Variants in MMP20 observed in about 807,000 individuals in gnomAD.
The protein encoded by MMP20 is matrix metallopeptidase 20.
Under a neutral mutation model 51.8 loss-of-function variants are expected in MMP20, and 50 were observed. The observed-to-expected ratio is 0.97, with a 90% CI of 0.77 to 1.22. The LOEUF (loss-of-function observed/expected upper bound fraction) is 1.22, where lower values mean the gene tolerates loss of function less well. Ranked by LOEUF, MMP20 falls within the 50% of genes most tolerant of loss-of-function variation. MMP20 has a pLI of 0.00. For missense variants in MMP20, 663 were observed against 601.4 expected (o/e 1.10, Z -1.07); for synonymous variants, 244 against 216.2 (o/e 1.13, Z -1.13).
At chr11:102,609,696 C>A (rs1591619918) in intron 4 of MMP20, among the ~76,000 whole-genome samples, 1 of 152,264 alleles carries the variant, frequency 6.6e-6, no homozygotes, top group Non-Finnish European at 1.5e-5. Context: ...AGATGATATG[C>A]TATGAAACAG....
chr11:102,598,179 C>CT (rs1298208851), intron 6 of MMP20, among the ~76,000 whole-genome samples: 2 of 152,130 alleles, frequency 1.3e-5, no homozygotes, highest in East Asian at 3.8e-4. Context: ...AATTTGCATC[C>CT]TTAGACCTAT....
At chr11:102,586,144 GT>G (rs1327933375) in intron 8 of MMP20, among the ~76,000 whole-genome samples, 1 of 152,086 alleles carries the variant, frequency 6.6e-6, no homozygotes, top group Non-Finnish European at 1.5e-5. Flanking sequence ...ACTCTTCTAT[GT>G]TTTGGAAAAG....
At chr11:102,622,904 T>C (rs1038186465) in intron 1 of MMP20, among the ~76,000 whole-genome samples, 4 of 152,294 alleles carry the variant, frequency 2.6e-5, no homozygotes, top group Non-Finnish European at 4.4e-5. Context: ...TAAGGTGGGA[T>C]GTTATTAAAT....
At chr11:102,590,768 GT>G (rs1170889846) in intron 8 of MMP20, among the ~76,000 whole-genome samples, 1 of 152,150 alleles carries the variant, frequency 6.6e-6, no homozygotes, top group Non-Finnish European at 1.5e-5. Flanking sequence ...GTATGGCCAT[GT>G]GCTTACCTAC....
intron 2 of MMP20, among the ~76,000 whole-genome samples, chr11:102,612,833 T>G (rs1170364738): frequency 6.7e-6 from 1 of 150,316 alleles, no homozygotes; most frequent in Non-Finnish European, 1.5e-5. Context: ...GCCTCCCAGG[T>G]TCAATTGATT....
At position 102,577,437 on chromosome 11, in the gene MMP20, C is replaced by T; in HGVS notation, c.1352-11G>A. ...AGAAGTAAATGTAGCCTAAAAGAGA[C>T]AAAGTTGAAATTGGGTTACTGAAGA... On this transcript the variant is annotated splice_polypyrimidine_tract_variant and intron_variant, in intron 9 of 9. Coordinates refer to ENST00000260228, the MANE Select transcript of MMP20 (RefSeq NM_004771.4). 6.3e-7 allele frequency: 1 copy of T among 1,591,406 alleles called. No homozygotes were observed. Among genetic ancestry groups the T allele is most frequent in the Middle Eastern group, 1.7e-4 (1 of 6,020 alleles).
intron 6 of MMP20, among the ~76,000 whole-genome samples, chr11:102,595,217 A>G (rs1436699177): frequency 3.3e-5 from 5 of 152,116 alleles, no homozygotes; most frequent in African/African-American, 7.2e-5. Context: ...ATGAATGACC[A>G]TGTCCATTCC....
chr11:102,613,666 A>G (rs1209113573), intron 2 of MMP20, among the ~76,000 whole-genome samples: 2 of 152,192 alleles, frequency 1.3e-5, no homozygotes, highest in Non-Finnish European at 2.9e-5. Context: ...GACTGTGCCC[A>G]CAGAAAGGAT....
intron 6 of MMP20, 45 bp downstream of exon 6, chr11:102,606,490 T>C: frequency 1.9e-6 from 3 of 1,612,220 alleles, no homozygotes; most frequent in Non-Finnish European, 1.7e-6. Flanking sequence ...TGTCTGGGAG[T>C]GGAGATGAGG....
At chr11:102,595,810 A>G (rs1484951480) in intron 6 of MMP20, among the ~76,000 whole-genome samples, 2 of 152,240 alleles carry the variant, frequency 1.3e-5, no homozygotes. Flanking sequence ...TCTATTTTAT[A>G]GTTTGAAGAT....
At chr11:102,613,126 T>C (rs1859624441) in intron 2 of MMP20, among the ~76,000 whole-genome samples, 1 of 152,250 alleles carries the variant, frequency 6.6e-6, no homozygotes, top group Non-Finnish European at 1.5e-5. Flanking sequence ...CAGCAATTAC[T>C]GGTGTGACGA....
chr11:102,611,634 T>C (rs1859600850), intron 3 of MMP20, 121 bp downstream of exon 3: 2 of 1,248,614 alleles, frequency 1.6e-6, no homozygotes, highest in Admixed American at 1.8e-5. Flanking sequence ...GTCTTGGCCT[T>C]GGCCCATCAC....
intron 6 of MMP20, among the ~76,000 whole-genome samples, chr11:102,597,776 C>T (rs899108666): frequency 1.3e-5 from 2 of 151,780 alleles, no homozygotes; most frequent in Non-Finnish European, 2.9e-5. Flanking sequence ...CTTTTCTTTT[C>T]TTTTTTTTGA....
chr11:102,585,451 C>A (rs979467911), intron 8 of MMP20, among the ~76,000 whole-genome samples: 4 of 152,150 alleles, frequency 2.6e-5, no homozygotes, highest in Non-Finnish European at 5.9e-5. Flanking sequence ...ACATTGAATT[C>A]ATTCCTTGCA....
intron 8 of MMP20, among the ~76,000 whole-genome samples, chr11:102,583,928 G>T (rs1161931857): frequency 1.3e-5 from 2 of 152,134 alleles, no homozygotes; most frequent in African/African-American, 4.8e-5. Flanking sequence ...ATGCTCTCAA[G>T]ATTCATCCAT....
In MMP20 at chr11:102,597,986, C is replaced by T. The variant is rs974635122; in HGVS notation, c.954-3229G>A. Among the ~76,000 whole-genome samples the T allele has an allele frequency of 3.7e-5, 4 of 108,396 alleles. No individual in the cohort carries two copies. The East Asian group carries it at 8.3e-4, about 23-fold the overall frequency. The allele number at this position is 108,396 out of a possible 152,430, so 71.1% of individuals were successfully genotyped here. A position where few individuals can be genotyped will look rare whatever the true frequency, so the allele number is the denominator to read the frequency against. On this transcript the variant is annotated intron_variant, in intron 6 of 9. Coordinates refer to ENST00000260228, the MANE Select transcript of MMP20 (RefSeq NM_004771.4). ...TTCTCCATGTTGGTCAGGCTGGTCT[C>T]GAACTCCCGACCTCAGGTGATCTGC...
chr11:102,593,660 G>A lies in MMP20; in HGVS notation c.1091-65C>T. On this transcript the variant is annotated intron_variant, in intron 7 of 9. Coordinates refer to ENST00000260228, the MANE Select transcript of MMP20 (RefSeq NM_004771.4). ...CTTGGTGATGCACTTCTCTCATAAAGATTTCTATGAAGGCTCTTAAATGGG... is the reference window on the plus strand; with the variant it reads ...CTTGGTGATGCACTTCTCTCATAAAAATTTCTATGAAGGCTCTTAAATGGG... 4 of 1,563,936 alleles carry A rather than the reference G, an allele frequency of 2.6e-6. No homozygotes were observed. The South Asian group carries it at 4.5e-5, about 17-fold the overall frequency.
chr11:102,589,648 T>C (rs1414758103), intron 8 of MMP20, among the ~76,000 whole-genome samples: 3 of 152,176 alleles, frequency 2.0e-5, no homozygotes, highest in African/African-American at 7.2e-5. Context: ...TTGGTAGAGT[T>C]AAGATTAACA....
At chr11:102,611,541 A>T (rs561380224) in intron 3 of MMP20, among the ~76,000 whole-genome samples, 1 of 152,366 alleles carries the variant, frequency 6.6e-6, no homozygotes, top group South Asian at 2.1e-4. Flanking sequence ...TCTACTCTAC[A>T]GCTGTGTCTG....
Sources: allele counts gnomAD v4.1 joint callset (sites outside exome capture counted in the v4.1 genomes callset), GRCh38; gene constraint gnomAD v4.1.1; transcripts MANE v1.5; gene names NCBI Gene and HGNC (gene_info 2026-07-23, HGNC 2026-07-21).